AKAP13: variants seen among roughly 807,000 people sequenced by gnomAD.
AKAP13 encodes A-kinase anchoring protein 13.
Under a neutral mutation model 264.5 loss-of-function variants are expected in AKAP13, and 80 were observed. The ratio of observed to expected loss-of-function variants is 0.30; its 90% CI spans 0.25 to 0.36. The LOEUF is 0.36. Among genes scored for constraint, AKAP13 ranks in the 10% least tolerant of loss-of-function variants. The pLI, the probability that AKAP13 is intolerant of heterozygous loss-of-function variation, is 1.00. For synonymous variants in AKAP13, 1,380 were observed against 1,250.2 expected, an observed-to-expected ratio of 1.10 and a Z score of -2.19; for missense variants, 3,712 against 3,435.2, an observed-to-expected ratio of 1.08 and a Z score of -2.01.
At chr15:85,650,845 A>G (rs566336561) in intron 10 of AKAP13, among the ~76,000 whole-genome samples, 1 of 151,286 alleles carries the variant, frequency 6.6e-6, no homozygotes, top group Non-Finnish European at 1.5e-5. Flanking sequence ...AAAACTTAAA[A>G]CTGTGAACCA....
intron 2 of AKAP13, among the ~76,000 whole-genome samples, chr15:85,505,111 C>A (rs902694723): frequency 6.6e-6 from 1 of 152,222 alleles, no homozygotes; most frequent in South Asian, 2.1e-4. Context: ...TCAACACTCT[C>A]TTCCTTTTAA....
chr15:85,619,089 A>G (rs1032785160), intron 8 of AKAP13, among the ~76,000 whole-genome samples: 4 of 151,866 alleles, frequency 2.6e-5, no homozygotes, highest in African/African-American at 9.7e-5. Flanking sequence ...TTAGCATACT[A>G]CTCTGACATC....
chr15:85,474,555 A>C (rs1310204711), intron 1 of AKAP13, among the ~76,000 whole-genome samples: 1 of 152,238 alleles, frequency 6.6e-6, no homozygotes, highest in East Asian at 1.9e-4. Flanking sequence ...ATTAGAAATA[A>C]AATTTTTCAT....
At chr15:85,630,335 C>A (rs1045487784) in intron 8 of AKAP13, among the ~76,000 whole-genome samples, 2 of 151,392 alleles carry the variant, frequency 1.3e-5, no homozygotes, top group Non-Finnish European at 2.9e-5. Context: ...ACATTTGTGA[C>A]CCAACCAGAA....
At chr15:85,399,512 A>T (rs1567038527) in intron 1 of AKAP13, among the ~76,000 whole-genome samples, 14 of 89,684 alleles carry the variant, frequency 1.6e-4, no homozygotes, top group African/African-American at 5.4e-4. Flanking sequence ...CAAAAAAAAA[A>T]AAAAAAAAAA....
intron 3 of AKAP13, among the ~76,000 whole-genome samples, chr15:85,526,442 C>A (rs544578024): frequency 3.6e-4 from 54 of 151,162 alleles, no homozygotes; most frequent in African/African-American, 1.3e-3. Flanking sequence ...GTGGCTGGCA[C>A]GTGTGTGTGT....
chr15:85,460,860 C>T (rs55899824), intron 1 of AKAP13, among the ~76,000 whole-genome samples: 45,470 of 152,004 alleles, frequency 0.3, 9,027 homozygotes, highest in Non-Finnish European at 0.44. Flanking sequence ...CATAGAGCCT[C>T]CTGAAAGGAA....
At chr15:85,694,923 T>C (rs2085485366) in intron 17 of AKAP13, among the ~76,000 whole-genome samples, 1 of 152,232 alleles carries the variant, frequency 6.6e-6, no homozygotes. Context: ...CCAAGTAATT[T>C]CTTACTAAAA....
chr15:85,741,591 CCTGT>C, intron 35 of AKAP13, 96 bp downstream of exon 35: 1 of 1,435,928 alleles, frequency 7.0e-7, no homozygotes, highest in South Asian at 1.5e-5. Flanking sequence ...AAATATAGAG[CCTGT>C]TTTTGGCCAG....
chr15:85,451,334 T>C (rs1432993931), intron 1 of AKAP13, among the ~76,000 whole-genome samples: 1 of 152,198 alleles, frequency 6.6e-6, no homozygotes, highest in Admixed American at 6.5e-5. Flanking sequence ...CCTTGCCACT[T>C]TGTGCCTTTT....
chr15:85,584,905 C>G (rs1275918531), intron 7 of AKAP13, among the ~76,000 whole-genome samples: 1 of 152,090 alleles, frequency 6.6e-6, no homozygotes, highest in African/African-American at 2.4e-5. Context: ...TTTGACTGTT[C>G]AATCATGAGT....
chr15:85,606,707 G>T (rs2080365042), intron 8 of AKAP13, among the ~76,000 whole-genome samples: 1 of 152,174 alleles, frequency 6.6e-6, no homozygotes, highest in Admixed American at 6.5e-5. Flanking sequence ...GTTTTGCCTA[G>T]ACTGGGAAGA....
intron 19 of AKAP13, among the ~76,000 whole-genome samples, chr15:85,713,625 C>T (rs2151705613): frequency 6.6e-6 from 1 of 152,252 alleles, no homozygotes; most frequent in Admixed American, 6.5e-5. Flanking sequence ...TGTGTACTTT[C>T]TGCAGCTAGA....
chr15:85,716,003 T>TG, intron 20 of AKAP13, 80 bp downstream of exon 20: 1 of 440,204 alleles, frequency 2.3e-6, no homozygotes, highest in Non-Finnish European at 3.0e-6. Flanking sequence ...GACAAAAAGC[T>TG]TTTTTTTTTT....
At chr15:85,481,791 A>G (rs913216156) in intron 1 of AKAP13, among the ~76,000 whole-genome samples, 5 of 152,200 alleles carry the variant, frequency 3.3e-5, no homozygotes, top group East Asian at 3.8e-4. Flanking sequence ...TCTGTCATGT[A>G]TTGTCCCTGT....
At chr15:85,490,843 G>A (rs771170769) in intron 2 of AKAP13, among the ~76,000 whole-genome samples, 5 of 152,094 alleles carry the variant, frequency 3.3e-5, no homozygotes, top group African/African-American at 7.2e-5. Flanking sequence ...TAACATATCA[G>A]GAAGAAAAGT....
At chr15:85,665,209 G>T (rs894713841) in intron 13 of AKAP13, among the ~76,000 whole-genome samples, 10 of 151,444 alleles carry the variant, frequency 6.6e-5, no homozygotes, top group Non-Finnish European at 1.5e-4. Context: ...TCTCCAAAAA[G>T]AAAAAAGAAA....
chr15:85,583,174 AGCCT>A (rs2079195108), intron 7 of AKAP13: 1 of 985,270 alleles, frequency 1.0e-6, no homozygotes, highest in Non-Finnish European at 1.2e-6. Flanking sequence ...GGTAAGAAGC[AGCCT>A]GTTTTGTCTT....
At chr15:85,723,689 A>G (rs915761697) in intron 26 of AKAP13, among the ~76,000 whole-genome samples, 74 of 152,226 alleles carry the variant, frequency 4.9e-4, no homozygotes, top group African/African-American at 1.8e-3. Flanking sequence ...AAAACTCACA[A>G]GGAGGGAGAC....
Sources: allele counts gnomAD v4.1 joint callset (sites outside exome capture counted in the v4.1 genomes callset), GRCh38; gene constraint gnomAD v4.1.1; transcripts MANE v1.5; gene names NCBI Gene and HGNC (gene_info 2026-07-23, HGNC 2026-07-21).